Variants in NUP155 observed in about 807,000 individuals in gnomAD.
The protein encoded by NUP155 is nucleoporin 155.
A neutral mutation model predicts 180.4 loss-of-function variants in NUP155; 71 were observed. That is an observed-to-expected ratio of 0.39 (90% CI 0.33 to 0.48). NUP155 has a LOEUF of 0.48. Among genes scored for constraint, NUP155 ranks in the 20% least tolerant of loss-of-function variants. The pLI is 0.91. For synonymous variants in NUP155, 582 were observed against 559.5 expected, an observed-to-expected ratio of 1.04 and a Z score of -0.57; for missense variants, 1,553 against 1,648.9, an observed-to-expected ratio of 0.94 and a Z score of 1.01.
chr5:37,343,791 G>A (rs217782), intron 9 of NUP155, among the ~76,000 whole-genome samples: 4,357 of 152,144 alleles, frequency 0.029, 222 homozygotes, highest in African/African-American at 0.099. Context: ...TACTTGGGAG[G>A]CTGAAGCAGA....
intron 16 of NUP155, 89 bp downstream of exon 16, chr5:37,329,099 CAT>C: frequency 1.1e-6 from 1 of 872,866 alleles, no homozygotes; most frequent in Non-Finnish European, 1.9e-6. Context: ...GTAAATAAAA[CAT>C]AATGAAAAGG....
intron 32 of NUP155, among the ~76,000 whole-genome samples, chr5:37,295,858 C>A (rs1561764412): frequency 6.9e-6 from 1 of 145,734 alleles, no homozygotes; most frequent in East Asian, 2.0e-4. Context: ...CGGCAGCCAC[C>A]CCGTCCGGGA....
chr5:37,349,058 C>CTT (rs35729800), intron 8 of NUP155, 114 bp downstream of exon 8: 333 of 280,246 alleles, frequency 1.2e-3, no homozygotes, highest in Middle Eastern at 2.4e-3. Context: ...GCCCAGCAGG[C>CTT]TTTTTTTTTT....
At chr5:37,336,167 G>A (rs1158941939) in intron 12 of NUP155, among the ~76,000 whole-genome samples, 2 of 152,124 alleles carry the variant, frequency 1.3e-5, no homozygotes, top group East Asian at 1.9e-4. Flanking sequence ...CAAATTATAT[G>A]ACATGCAGCA....
intron 3 of NUP155, among the ~76,000 whole-genome samples, chr5:37,362,789 T>C (rs1335478475): frequency 6.6e-6 from 1 of 152,214 alleles, no homozygotes; most frequent in Non-Finnish European, 1.5e-5. Flanking sequence ...ATCACTGCTA[T>C]TACAACTATT....
intron 3 of NUP155, among the ~76,000 whole-genome samples, chr5:37,360,104 C>A (rs576210591): frequency 6.8e-6 from 1 of 146,066 alleles, no homozygotes; most frequent in Non-Finnish European, 1.5e-5. Flanking sequence ...GGCAACAGAG[C>A]GAGACTCTGT....
chr5:37,346,770 C>G (rs904333734), intron 9 of NUP155, among the ~76,000 whole-genome samples: 1 of 152,076 alleles, frequency 6.6e-6, no homozygotes, highest in Non-Finnish European at 1.5e-5. Flanking sequence ...ACTTGGCTTC[C>G]GCGTTAGGTT....
chr5:37,340,411 C>T (rs1291165086), intron 11 of NUP155, among the ~76,000 whole-genome samples: 1 of 151,652 alleles, frequency 6.6e-6, no homozygotes, highest in Non-Finnish European at 1.5e-5. Context: ...TGCTACTGCA[C>T]TCCAGCCTCG....
At chr5:37,295,103 G>A (rs990806162) in intron 32 of NUP155, among the ~76,000 whole-genome samples, 6 of 152,256 alleles carry the variant, frequency 3.9e-5, no homozygotes, top group South Asian at 2.1e-4. Flanking sequence ...ATGCCGAGCC[G>A]AAGCTGGACT....
chr5:37,362,668 T>C (rs1747298509), intron 3 of NUP155, among the ~76,000 whole-genome samples: 1 of 152,190 alleles, frequency 6.6e-6, no homozygotes, highest in South Asian at 2.1e-4. Context: ...CTTGAAAAGA[T>C]ACATACCTAA....
intron 9 of NUP155, among the ~76,000 whole-genome samples, chr5:37,345,641 A>C (rs939498399): frequency 2.6e-5 from 4 of 152,106 alleles, no homozygotes; most frequent in Non-Finnish European, 5.9e-5. Flanking sequence ...GCAGTGGCTC[A>C]TGCCTGTAAT....
Position 37,299,297 on chromosome 5 carries a change from T to A in NUP155, c.3682+151A>T. On this transcript the variant is annotated intron_variant, in intron 31 of 34. Transcript: ENST00000231498. Reference sequence around the variant, plus strand: ...TTCTGTGTATGATCATCCTCCACCATACCCAGGTGACTTCCACTTACTCTC... The same window carrying A: ...TTCTGTGTATGATCATCCTCCACCAAACCCAGGTGACTTCCACTTACTCTC... 2.4e-6 allele frequency: 2 copies of A among 832,626 alleles called. 1 individual carries two copies. Among genetic ancestry groups the A allele is most frequent in the South Asian group, 2.9e-5 (2 of 69,668 alleles). The allele number at this position is 832,626 out of a possible 1,614,324, so 51.6% of individuals were successfully genotyped here.
intron 32 of NUP155, among the ~76,000 whole-genome samples, chr5:37,296,236 G>T (rs1171437712): frequency 6.6e-6 from 1 of 152,140 alleles, no homozygotes; most frequent in East Asian, 1.9e-4. Context: ...GAATAGAAAG[G>T]GGGGAAAGGT....
intron 34 of NUP155, among the ~76,000 whole-genome samples, chr5:37,292,458 G>A (rs1742288664): frequency 1.3e-5 from 2 of 151,878 alleles, no homozygotes; most frequent in African/African-American, 2.4e-5. Context: ...CTCATGATCC[G>A]CCCATCTCAG....
At chr5:37,357,425 A>AG (rs1746903887) in intron 4 of NUP155, among the ~76,000 whole-genome samples, 2 of 150,658 alleles carry the variant, frequency 1.3e-5, no homozygotes, top group Admixed American at 6.6e-5. Flanking sequence ...AAAAAAAAAA[A>AG]AGAGAAAGAC....
intron 32 of NUP155, among the ~76,000 whole-genome samples, chr5:37,298,114 C>G (rs955906686): frequency 2.6e-5 from 4 of 151,940 alleles, no homozygotes; most frequent in Non-Finnish European, 4.4e-5. Context: ...TTGCAGGCAC[C>G]TGTAATCCCA....
rs1391819715 is a variant in NUP155 at position 37,328,347 on chromosome 5, A to C, written c.1876+11T>G. On this transcript the variant is annotated intron_variant, in intron 17 of 34. Transcript: ENST00000231498. ...AAAATGAATCCAATCCAAAACAAAG[A>C]AAAGAGGTACCATGAGACGGTGTTC... The C allele has an allele frequency of 6.3e-7, 1 of 1,593,900 alleles. No individual in the cohort carries two copies. Among genetic ancestry groups the C allele is most frequent in the Non-Finnish European group, 8.6e-7 (1 of 1,161,878 alleles).
chr5:37,367,720 A>C (rs1240536426), intron 1 of NUP155, among the ~76,000 whole-genome samples: 1 of 151,964 alleles, frequency 6.6e-6, no homozygotes, highest in Non-Finnish European at 1.5e-5. Context: ...TTTTTAGTAG[A>C]GATGGGGGTT....
chr5:37,292,350 G>A (rs925414586), intron 34 of NUP155, among the ~76,000 whole-genome samples: 1 of 151,966 alleles, frequency 6.6e-6, no homozygotes, highest in Non-Finnish European at 1.5e-5. Flanking sequence ...CGTGTAGCTG[G>A]GACTACAGGT....
Sources: gnomAD v4.1 joint callset for allele counts (sites outside exome capture counted in the v4.1 genomes callset) on GRCh38, gnomAD v4.1.1 for gene constraint, MANE v1.5 for transcripts, NCBI Gene and HGNC (gene_info 2026-07-23, HGNC 2026-07-21) for gene names.